KALRN: variants seen among roughly 807,000 people sequenced by gnomAD.
KALRN encodes kalirin.
Under a neutral mutation model 353.7 loss-of-function variants are expected in KALRN, and 70 were observed. The observed-to-expected ratio is 0.20, with a 90% confidence interval of 0.16 to 0.24. The LOEUF (loss-of-function observed/expected upper bound fraction) is 0.24, where lower values mean the gene tolerates loss of function less well. KALRN is among the 10% of genes least tolerant of loss of function. The pLI is 1.00. For missense variants in KALRN, 2,791 were observed against 3,756.7 expected, an observed-to-expected ratio of 0.74 and a Z score of 6.72; for synonymous variants, 1,391 against 1,434.8, an observed-to-expected ratio of 0.97 and a Z score of 0.69.
chr3:124,496,497 C>G (rs1242098609), intron 33 of KALRN, 84 bp downstream of exon 33: 3 of 997,988 alleles, frequency 3.0e-6, no homozygotes, highest in African/African-American at 3.2e-5. Flanking sequence ...GAGAATTTCT[C>G]TCACTATGGA....
chr3:124,554,634 C>T (rs2070978064), intron 33 of KALRN, among the ~76,000 whole-genome samples: 1 of 151,974 alleles, frequency 6.6e-6, no homozygotes, highest in Non-Finnish European at 1.5e-5. Flanking sequence ...CATTTTGTTT[C>T]CTCTGAGTTC....
intron 9 of KALRN, among the ~76,000 whole-genome samples, chr3:124,343,484 A>C (rs1405083226): frequency 3.3e-5 from 5 of 152,162 alleles, no homozygotes; most frequent in Admixed American, 1.3e-4. Flanking sequence ...TTTATAACTG[A>C]AAATGAAAAG....
rs139686661 is a variant in KALRN, at chr3:124,565,052, G to A, written c.5182+1963G>A. Among the ~76,000 whole-genome samples, 388 of 152,314 alleles carry A rather than the reference G, an allele frequency of 2.5e-3. 1 individual carries two copies. Among genetic ancestry groups the A allele is most frequent in the Non-Finnish European group, 4.6e-3 (311 of 68,016 alleles). ...TTCCTGATGGTTAACTGTGAACTCA[G>A]AACATATTTAAAACACTCCGGTGTC... On this transcript the variant is annotated intron_variant, in intron 34 of 59. Coordinates refer to ENST00000682506, the MANE Select transcript of KALRN (RefSeq NM_001388419.1).
intron 1 of KALRN, among the ~76,000 whole-genome samples, chr3:124,107,768 G>T (rs1267519980): frequency 6.6e-6 from 1 of 152,150 alleles, no homozygotes; most frequent in Non-Finnish European, 1.5e-5. Context: ...GTGCTGGGAG[G>T]GAGGAGGTAG....
At chr3:124,177,262 A>G (rs2072913435) in intron 1 of KALRN, among the ~76,000 whole-genome samples, 1 of 152,178 alleles carries the variant, frequency 6.6e-6, no homozygotes, top group Non-Finnish European at 1.5e-5. Context: ...CCATTTCTCA[A>G]ACACTCCGGG....
At chr3:124,364,025 A>G (rs2084357819) in intron 10 of KALRN, among the ~76,000 whole-genome samples, 1 of 152,196 alleles carries the variant, frequency 6.6e-6, no homozygotes, top group Admixed American at 6.5e-5. Context: ...CCACTTCAAG[A>G]CAGCAAGGGA....
intron 33 of KALRN, among the ~76,000 whole-genome samples, chr3:124,516,656 C>T (rs1464746033): frequency 8.9e-6 from 1 of 111,826 alleles, no homozygotes; most frequent in African/African-American, 3.3e-5. Flanking sequence ...AAAAAAAAAA[C>T]CTGGTAATGA....
chr3:124,509,590 A>G (rs1028623780), intron 33 of KALRN, among the ~76,000 whole-genome samples: 4 of 152,232 alleles, frequency 2.6e-5, no homozygotes, highest in African/African-American at 9.6e-5. Flanking sequence ...ATATAATGCA[A>G]GTTTATGTTA....
At chr3:124,133,444 T>A (rs1402052709) in intron 1 of KALRN, among the ~76,000 whole-genome samples, 1 of 152,234 alleles carries the variant, frequency 6.6e-6, no homozygotes, top group Admixed American at 6.5e-5. Flanking sequence ...TTCAAAAATG[T>A]TTAGTGTCTG....
In KALRN at chr3:124,563,036, T is replaced by C; in HGVS notation, c.5129T>C (p.Ile1710Thr). 7.3e-7 allele frequency: 1 copy of C among 1,367,848 alleles called. No homozygotes were observed. Among genetic ancestry groups the C allele is most frequent in the South Asian group, 1.1e-5 (1 of 88,050 alleles). 84.7% of individuals were successfully genotyped at this position (1,367,848 alleles called of 1,614,324 possible). A position where few individuals can be genotyped will look rare whatever the true frequency, so the allele number is the denominator to read the frequency against. Residue 1710 changes from isoleucine (I) to threonine (T), a missense_variant, in exon 34 of 60, where the codon ATC becomes ACC. Ile to Thr is a moderately conservative substitution (Grantham distance 89, BLOSUM62 -1). Coordinates refer to ENST00000682506, the MANE Select transcript of KALRN (RefSeq NM_001388419.1). Reference sequence around the variant, plus strand: ...CTGGTCCCCAGCAGCGCCCTGTGCATCTCACACTCCCGAAGCAGCGTGGAG... The same window carrying C: ...CTGGTCCCCAGCAGCGCCCTGTGCACCTCACACTCCCGAAGCAGCGTGGAG... ...EGLVPSSALC[I>T]SHSRSSVEMD...
At chr3:124,161,465 C>G (rs528768481) in intron 1 of KALRN, among the ~76,000 whole-genome samples, 1 of 152,334 alleles carries the variant, frequency 6.6e-6, no homozygotes, top group South Asian at 2.1e-4. Context: ...TTCTCCCCCT[C>G]TACCCCTGCC....
intron 33 of KALRN, among the ~76,000 whole-genome samples, chr3:124,525,257 G>C (rs1326951807): frequency 6.6e-6 from 1 of 152,186 alleles, no homozygotes; most frequent in African/African-American, 2.4e-5. Context: ...TGATGGGAGA[G>C]GGGGTTTCTA....
chr3:124,367,822 C>G (rs1206210928), intron 10 of KALRN, among the ~76,000 whole-genome samples: 2 of 10,178 alleles, frequency 2.0e-4, no homozygotes, highest in Admixed American at 7.5e-4. Context: ...GGGGTCTGAC[C>G]CCCCCACCTC....
intron 1 of KALRN, among the ~76,000 whole-genome samples, chr3:124,095,539 C>T (rs1029989798): frequency 5.3e-5 from 8 of 152,200 alleles, no homozygotes; most frequent in African/African-American, 1.9e-4. Flanking sequence ...ACTACCTATC[C>T]TGAGGATAGC....
At chr3:124,052,243 G>A (rs1206405415) in intron 1 of KALRN, among the ~76,000 whole-genome samples, 1 of 152,192 alleles carries the variant, frequency 6.6e-6, no homozygotes, top group Non-Finnish European at 1.5e-5. Context: ...GGATCATCCT[G>A]ACAGTCAGCA....
intron 6 of KALRN, among the ~76,000 whole-genome samples, chr3:124,301,543 C>T (rs926448792): frequency 1.3e-5 from 2 of 152,050 alleles, no homozygotes; most frequent in Non-Finnish European, 2.9e-5. Context: ...ATTGCTTGCC[C>T]GCCTGTGCTT....
At chr3:124,523,599 G>A (rs991848815) in intron 33 of KALRN, among the ~76,000 whole-genome samples, 1 of 152,198 alleles carries the variant, frequency 6.6e-6, no homozygotes, top group Non-Finnish European at 1.5e-5. Flanking sequence ...ATAATTGAAA[G>A]TTTTCTGTTT....
intron 57 of KALRN, among the ~76,000 whole-genome samples, chr3:124,707,451 T>TTCCTTCCTTCCC (rs2062688712): frequency 6.9e-6 from 1 of 144,510 alleles, no homozygotes; most frequent in African/African-American, 2.6e-5. Context: ...CCTTCCCTCC[T>TTCCTTCCTTCCC]TCCTTCCTTC....
chr3:124,058,436 C>A (rs981220041), intron 1 of KALRN, among the ~76,000 whole-genome samples: 4 of 152,110 alleles, frequency 2.6e-5, no homozygotes, highest in Non-Finnish European at 5.9e-5. Flanking sequence ...TTTCTGGCCG[C>A]AAGCAGAACA....
Sources: gnomAD v4.1 joint callset for allele counts (sites outside exome capture counted in the v4.1 genomes callset) on GRCh38, gnomAD v4.1.1 for gene constraint, MANE v1.5 for transcripts, NCBI Gene and HGNC (gene_info 2026-07-23, HGNC 2026-07-21) for gene names.